Variants in CLCN5 observed in about 807,000 individuals in gnomAD.
The protein encoded by CLCN5 is H(+)/Cl(-) exchange transporter 5.
CLCN5 carries 17 observed loss-of-function variants against 54.0 expected under a neutral mutation model. That is an observed-to-expected ratio of 0.31 (90% confidence interval 0.22 to 0.47). CLCN5 has a LOEUF of 0.47. Ranked by LOEUF, CLCN5 falls within the 20% of genes least tolerant of loss-of-function variation. The pLI, the probability that CLCN5 is intolerant of heterozygous loss-of-function variation, is 1.00. For synonymous variants in CLCN5, 222 were observed against 233.0 expected (o/e 0.95, Z 0.43); for missense variants, 448 against 646.7 (o/e 0.69, Z 3.33).
At position 49,943,705 on chromosome X, in the gene CLCN5, A is replaced by G. The variant is rs782522563; in HGVS notation, c.16+18391A>G. Among the ~76,000 whole-genome samples, 5 of 111,345 alleles carry G rather than the reference A, an allele frequency of 4.5e-5. No individual in the cohort carries two copies. In the Admixed American group the frequency reaches 4.8e-4, roughly 11 times the overall value. ...TTTTGTCAGGTTTGTCAAAGATCAG[A>G]TGGTTGTAGATATGTGGCATTATTT... is the stretch of plus-strand genomic sequence containing the variant. On this transcript the variant is annotated intron_variant, in intron 3 of 14. Coordinates refer to ENST00000376091, the MANE Select transcript of CLCN5 (RefSeq NM_001127898.4).
chrX:50,074,346 C>T (rs1350956974), intron 6 of CLCN5, among the ~76,000 whole-genome samples: 2 of 110,627 alleles, frequency 1.8e-5, no homozygotes, highest in East Asian at 5.7e-4. Context: ...AAACCTAATA[C>T]AATTTGTAAC....
intron 3 of CLCN5, among the ~76,000 whole-genome samples, chrX:49,964,514 T>G (rs1350998626): frequency 1.8e-5 from 2 of 110,935 alleles, no homozygotes; most frequent in Non-Finnish European, 3.8e-5. Context: ...GGCTATTAAG[T>G]TGTGATGTTA....
chrX:49,952,552 A>G (rs1406957223), intron 3 of CLCN5, among the ~76,000 whole-genome samples: 4 of 109,252 alleles, frequency 3.7e-5, no homozygotes, highest in Non-Finnish European at 7.6e-5. Flanking sequence ...CCCCATTAAC[A>G]TAGAATATGA....
intron 4 of CLCN5, among the ~76,000 whole-genome samples, chrX:50,065,017 G>T (rs1434481826): frequency 1.8e-5 from 2 of 110,318 alleles, no homozygotes; most frequent in Non-Finnish European, 3.8e-5. Flanking sequence ...AATTCAAGAT[G>T]GATTAAAGAT....
intron 4 of CLCN5, among the ~76,000 whole-genome samples, chrX:50,043,475 T>C (rs1036528243): frequency 5.8e-4 from 65 of 112,320 alleles, no homozygotes; most frequent in African/African-American, 1.8e-3. Context: ...TTTTTTCATC[T>C]TTACAATATG....
chrX:49,975,166 G>GA (rs1557176770), intron 3 of CLCN5, among the ~76,000 whole-genome samples: 1 of 111,540 alleles, frequency 9.0e-6, no homozygotes, highest in African/African-American at 3.3e-5. Context: ...TTGCATGGGT[G>GA]AAAAATCAGA....
chrX:50,085,718 G>C (rs1249851644), intron 9 of CLCN5: 1 of 378,953 alleles, frequency 2.6e-6, no homozygotes, highest in South Asian at 3.5e-5. Flanking sequence ...AGATAAGGGC[G>C]GGGGGGCGGT....
chrX:49,973,500 C>A (rs782419652), intron 3 of CLCN5, among the ~76,000 whole-genome samples: 2 of 107,857 alleles, frequency 1.9e-5, no homozygotes, highest in Non-Finnish European at 3.8e-5. Context: ...AATGCTATCC[C>A]TCCCCACTCC....
intron 3 of CLCN5, among the ~76,000 whole-genome samples, chrX:49,984,088 T>C (rs1928872346): frequency 8.9e-6 from 1 of 111,863 alleles, no homozygotes; most frequent in African/African-American, 3.2e-5. Context: ...CTTAATAACA[T>C]TGACTTCTTT....
intron 3 of CLCN5, among the ~76,000 whole-genome samples, chrX:50,006,931 G>A (rs1557181463): frequency 9.0e-6 from 1 of 111,461 alleles, no homozygotes; most frequent in African/African-American, 3.3e-5. Context: ...CACATGCTGG[G>A]GATACTGGAG....
At chrX:50,051,929 T>G (rs191203570) in intron 4 of CLCN5, among the ~76,000 whole-genome samples, 5 of 111,980 alleles carry the variant, frequency 4.5e-5, no homozygotes, top group African/African-American at 1.6e-4. Flanking sequence ...CCTTCAGGAT[T>G]TTTTTAGGAT....
chrX:50,078,116 G>A (rs1178815522), intron 7 of CLCN5, among the ~76,000 whole-genome samples: 1 of 110,187 alleles, frequency 9.1e-6, no homozygotes, highest in African/African-American at 3.3e-5. Flanking sequence ...TGAGGAGGGA[G>A]GATCCCTCGG....
At chrX:49,955,754 T>C (rs782263936) in intron 3 of CLCN5, among the ~76,000 whole-genome samples, 1 of 111,833 alleles carries the variant, frequency 8.9e-6, no homozygotes, top group African/African-American at 3.2e-5. Flanking sequence ...TCCCCAGAGG[T>C]AGAAATCTCA....
At chrX:50,059,597 G>A (rs1932818998) in intron 4 of CLCN5, among the ~76,000 whole-genome samples, 1 of 111,500 alleles carries the variant, frequency 9.0e-6, no homozygotes, top group African/African-American at 3.3e-5. Context: ...TGGTAAGTTT[G>A]CCAGAGAAGG....
At position 50,086,428 on chromosome X, in the gene CLCN5, G is replaced by T. The variant is rs1254229398; in HGVS notation, c.1115G>T (p.Arg372Leu). The T allele has an allele frequency of 2.5e-6, 3 of 1,208,917 alleles. No individual in the cohort carries two copies. The highest frequency in any genetic ancestry group is 1.8e-5 in the African/African-American group (1 of 56,923). Residue 372 changes from arginine (R) to leucine (L), a missense_variant, in exon 11 of 15, where the codon CGC (arginine) becomes CTC (leucine). By Grantham distance (102) the Arg-to-Leu change is moderately radical. Transcript: ENST00000376091. ...TCCATCAATCCATTTGGGAACAGCCGCCTGGTACTATTTTATGTGGAGTTT... is the reference window on the plus strand; with the variant it reads ...TCCATCAATCCATTTGGGAACAGCCTCCTGGTACTATTTTATGTGGAGTTT... ...LRSINPFGNS[R>L]LVLFYVEFHT...
intron 3 of CLCN5, among the ~76,000 whole-genome samples, chrX:50,000,003 C>G (rs1219258732): frequency 1.8e-5 from 2 of 111,344 alleles, no homozygotes; most frequent in African/African-American, 6.5e-5. Context: ...GCTCTCCACT[C>G]CCCCAGCTCT....
rs192007240 is a variant in CLCN5, at chrX:49,974,946, C to A, written c.16+49632C>A. On this transcript the variant is annotated intron_variant, in intron 3 of 14. Coordinates refer to ENST00000376091, the MANE Select transcript of CLCN5 (RefSeq NM_001127898.4). ...GAATTTGAGGACATAATTCATTCAG[C>A]TGATATTTCATTGGCTTCTTTATAC... Among the ~76,000 whole-genome samples, 526 of 111,882 alleles carry A rather than the reference C, an allele frequency of 4.7e-3. 5 individuals carry two copies. The highest frequency in any genetic ancestry group is 0.016 in the African/African-American group (496 of 30,744).
chrX:49,935,497 T>G (rs189825799), intron 3 of CLCN5, among the ~76,000 whole-genome samples: 140 of 112,236 alleles, frequency 1.2e-3, no homozygotes, highest in African/African-American at 3.9e-3. Context: ...CCTTGCAGTC[T>G]CATGGGGGAG....
chrX:49,958,422 A>T (rs899751800), intron 3 of CLCN5, among the ~76,000 whole-genome samples: 3 of 111,677 alleles, frequency 2.7e-5, no homozygotes, highest in Non-Finnish European at 3.8e-5. Context: ...GTCTTCAGTG[A>T]CTTACTGAAA....
Sources: allele counts gnomAD v4.1 joint callset (sites outside exome capture counted in the v4.1 genomes callset), GRCh38; gene constraint gnomAD v4.1.1; transcripts MANE v1.5; gene names NCBI Gene and HGNC (gene_info 2026-07-23, HGNC 2026-07-21).